The following ZFAND3 variants were observed in gnomAD, a reference collection of about 807,000 sequenced individuals.
ZFAND3 encodes the protein AN1-type zinc finger protein 3.
A neutral mutation model predicts 29.6 loss-of-function variants in ZFAND3; 10 were observed. The ratio of observed to expected loss-of-function variants is 0.34; its 90% CI spans 0.21 to 0.57. ZFAND3 has a LOEUF of 0.57. ZFAND3 is among the 20% of genes least tolerant of loss of function. The probability of loss-of-function intolerance (pLI) is 0.86; values close to 1 mark genes in which losing one functional copy is unlikely to be tolerated. For synonymous variants in ZFAND3, 128 were observed against 112.6 expected, an observed-to-expected ratio of 1.14 and a Z score of -0.87; for missense variants, 230 against 304.5, an observed-to-expected ratio of 0.76 and a Z score of 1.82.
rs74829742 is a variant in ZFAND3, at chr6:37,821,677, A to G, written c.71+1661A>G. ...TCATTGTAAGACATATGTCCTAAAG[A>G]AAGTCGCTGCCAGTGGCAGCTAATG... On this transcript the variant is annotated intron_variant, in intron 1 of 5. Coordinates refer to ENST00000287218, the MANE Select transcript of ZFAND3 (RefSeq NM_021943.3). 0.015 allele frequency among the ~76,000 whole-genome samples: 2,230 copies of G among 152,312 alleles called. 253 individuals are homozygous for G. In the East Asian group the frequency reaches 0.28, roughly 19 times the overall value.
chr6:38,069,062 C>T (rs879407150), intron 3 of ZFAND3, among the ~76,000 whole-genome samples: 6 of 152,176 alleles, frequency 3.9e-5, no homozygotes, highest in Non-Finnish European at 8.8e-5. Context: ...TCTGACAAGC[C>T]TTAATCTGTT....
At chr6:38,033,156 C>A (rs1284943144) in intron 2 of ZFAND3, among the ~76,000 whole-genome samples, 1 of 152,088 alleles carries the variant, frequency 6.6e-6, no homozygotes, top group Non-Finnish European at 1.5e-5. Context: ...TTCCTGAGAG[C>A]TGTTTGAAAT....
chr6:37,947,076 AC>A (rs1403414271), intron 2 of ZFAND3, among the ~76,000 whole-genome samples: 1 of 152,116 alleles, frequency 6.6e-6, no homozygotes, highest in Non-Finnish European at 1.5e-5. Flanking sequence ...TGTGCACCTA[AC>A]CCCAGTTAAA....
chr6:38,075,409 G>C (rs1342356672), intron 3 of ZFAND3, among the ~76,000 whole-genome samples: 7 of 152,142 alleles, frequency 4.6e-5, no homozygotes, highest in African/African-American at 1.7e-4. Flanking sequence ...TTGCAGATGT[G>C]GTGGAAATCA....
chr6:37,914,391 G>C (rs1490711650), intron 1 of ZFAND3, among the ~76,000 whole-genome samples: 1 of 152,170 alleles, frequency 6.6e-6, no homozygotes, highest in Non-Finnish European at 1.5e-5. Context: ...CTGTCACCCA[G>C]GCTGGGGTGC....
chr6:37,978,388 G>C (rs1158591348), intron 2 of ZFAND3, among the ~76,000 whole-genome samples: 2 of 152,114 alleles, frequency 1.3e-5, no homozygotes, highest in African/African-American at 4.8e-5. Context: ...TTGGTCTGTA[G>C]TTTTATCTTG....
chr6:37,988,278 A>G (rs886961419), intron 2 of ZFAND3, among the ~76,000 whole-genome samples: 2 of 152,198 alleles, frequency 1.3e-5, no homozygotes, highest in African/African-American at 4.8e-5. Flanking sequence ...GTATCACTGC[A>G]TATGAACTTC....
At chr6:37,885,871 G>C (rs534790540) in intron 1 of ZFAND3, among the ~76,000 whole-genome samples, 4 of 152,034 alleles carry the variant, frequency 2.6e-5, no homozygotes, top group African/African-American at 9.6e-5. Flanking sequence ...GCCTCCCAAA[G>C]TGCTGGGATT....
intron 2 of ZFAND3, among the ~76,000 whole-genome samples, chr6:38,034,640 G>T (rs1417276029): frequency 1.3e-5 from 2 of 151,958 alleles, no homozygotes; most frequent in Non-Finnish European, 2.9e-5. Flanking sequence ...TTTTAAAAAG[G>T]GGAAGAAAAA....
At chr6:38,133,958 C>A (rs1237401142) in intron 5 of ZFAND3, among the ~76,000 whole-genome samples, 1 of 152,116 alleles carries the variant, frequency 6.6e-6, no homozygotes, top group African/African-American at 2.4e-5. Context: ...CAGTAACTGT[C>A]CATATTTTCA....
intron 1 of ZFAND3, among the ~76,000 whole-genome samples, chr6:37,920,217 G>A (rs1205139867): frequency 1.3e-5 from 2 of 151,812 alleles, no homozygotes; most frequent in South Asian, 2.1e-4. Flanking sequence ...TGGGACAGTT[G>A]CAATCATTGT....
intron 1 of ZFAND3, among the ~76,000 whole-genome samples, chr6:37,884,734 T>C (rs1473114348): frequency 6.7e-6 from 1 of 149,344 alleles, no homozygotes; most frequent in Non-Finnish European, 1.5e-5. Context: ...AGGTATGCAG[T>C]GATGTCACTC....
At chr6:37,985,528 C>CA (rs372598964) in intron 2 of ZFAND3, among the ~76,000 whole-genome samples, 9,268 of 127,708 alleles carry the variant, frequency 0.073, 457 homozygotes, top group African/African-American at 0.15. Flanking sequence ...CACACACACA[C>CA]CCCCACACAC....
chr6:37,992,629 A>G lies in ZFAND3; in HGVS notation c.112+62630A>G, dbSNP rs192916302. Among the ~76,000 whole-genome samples, 221 of 152,322 alleles carry G rather than the reference A, an allele frequency of 1.5e-3. 1 individual carries two copies. Among genetic ancestry groups the G allele is most frequent in the African/African-American group, 5.1e-3 (214 of 41,572 alleles). On this transcript the variant is annotated intron_variant, in intron 2 of 5. Transcript: ENST00000287218. ...GGATATTATTTTACATTGCCACAAT[A>G]TTAAGAAATATACCTAAGAAAAATA...
intron 2 of ZFAND3, among the ~76,000 whole-genome samples, chr6:38,055,861 T>C (rs530086122): frequency 1.3e-5 from 2 of 152,360 alleles, no homozygotes; most frequent in East Asian, 1.9e-4. Flanking sequence ...ATAAATACTT[T>C]TAAATGTAAT....
chr6:38,148,771 C>G (rs1766160927), intron 5 of ZFAND3, among the ~76,000 whole-genome samples: 1 of 152,182 alleles, frequency 6.6e-6, no homozygotes, highest in Non-Finnish European at 1.5e-5. Context: ...GGACAACCCC[C>G]TTCTGACACC....
chr6:37,928,560 G>A (rs1220642719), intron 1 of ZFAND3, among the ~76,000 whole-genome samples: 1 of 152,084 alleles, frequency 6.6e-6, no homozygotes, highest in Non-Finnish European at 1.5e-5. Context: ...TTGCTCTGTT[G>A]CCCAGGCTGG....
At chr6:38,012,613 G>A (rs1367289116) in intron 2 of ZFAND3, among the ~76,000 whole-genome samples, 1 of 152,094 alleles carries the variant, frequency 6.6e-6, no homozygotes, top group Non-Finnish European at 1.5e-5. Flanking sequence ...TCCTGACCTC[G>A]TGATCCAGCC....
intron 2 of ZFAND3, among the ~76,000 whole-genome samples, chr6:37,986,570 C>T (rs1161240900): frequency 2.0e-5 from 3 of 152,098 alleles, no homozygotes; most frequent in African/African-American, 4.8e-5. Context: ...TAAAAATAAG[C>T]GTTTAATTAG....
Sources: gnomAD v4.1 joint callset for allele counts (sites outside exome capture counted in the v4.1 genomes callset) on GRCh38, gnomAD v4.1.1 for gene constraint, MANE v1.5 for transcripts, NCBI Gene and HGNC (gene_info 2026-07-23, HGNC 2026-07-21) for gene names.